TSPEAR: variants seen among roughly 807,000 people sequenced by gnomAD.
TSPEAR encodes thrombospondin-type laminin G domain and EAR repeat-containing protein.
In TSPEAR, 69 loss-of-function variants were observed where a neutral mutation model predicts 71.6. The observed-to-expected ratio is 0.96, with a 90% CI of 0.79 to 1.18. TSPEAR has a LOEUF of 1.18. Among genes scored for constraint, TSPEAR ranks in the 50% most tolerant of loss-of-function variants. TSPEAR has a pLI of 0.00. For synonymous variants in TSPEAR, 402 were observed against 387.2 expected, an observed-to-expected ratio of 1.04 and a Z score of -0.45; for missense variants, 971 against 894.9, an observed-to-expected ratio of 1.09 and a Z score of -1.09.
At chr21:44,708,803 G>C (rs1470573577) in intron 1 of TSPEAR, among the ~76,000 whole-genome samples, 3 of 152,238 alleles carry the variant, frequency 2.0e-5, no homozygotes, top group Non-Finnish European at 4.4e-5. Context: ...CTTGCTCCGG[G>C]CAGAGCTGCA....
intron 3 of TSPEAR, 119 bp from the exon 4 acceptor site, chr21:44,531,252 A>C (rs1464575570): frequency 1.1e-5 from 8 of 755,430 alleles, no homozygotes; most frequent in East Asian, 2.7e-5. Context: ...TGGCTGCCAC[A>C]CAAAGGATGG....
rs114636134 is a variant in TSPEAR at position 44,637,051 on chromosome 21, G to A, written c.83-69046C>T. ...GAGGCTGGGCCTCCCCCAGGCTGAG[G>A]GCCCACGCTGGGCACAGTCACGGGA... On this transcript the variant is annotated intron_variant, in intron 1 of 11. Transcript: ENST00000323084. Among the ~76,000 whole-genome samples, 554 of 152,206 alleles carry A rather than the reference G, an allele frequency of 3.6e-3. 4 individuals carry two copies. The highest frequency in any genetic ancestry group is 0.013 in the African/African-American group (536 of 41,516).
rs782571221 is a variant in TSPEAR at position 44,558,313 on chromosome 21, A to G, written c.303+9472T>C. 7 of 1,614,146 alleles carry G rather than the reference A, an allele frequency of 4.3e-6. No individual in the cohort carries two copies. The South Asian group carries it at 4.4e-5, about 10-fold the overall frequency. On this transcript the variant is annotated intron_variant, in intron 2 of 11. Transcript: ENST00000323084. The stretch of plus-strand genomic sequence containing the variant: ...TGGCGGCTAGACTGCTGGCAGCATG[A>G]AGAGGAAGCCCCAGAGCAGACGGGC...
intron 5 of TSPEAR, 140 bp from the exon 6 acceptor site, chr21:44,528,723 G>A: frequency 9.1e-7 from 1 of 1,095,154 alleles, no homozygotes; most frequent in East Asian, 2.6e-5. Flanking sequence ...AGGCACCTTG[G>A]CACAAGCCTG....
At chr21:44,556,082 G>A (rs1413442249) in intron 2 of TSPEAR, among the ~76,000 whole-genome samples, 1 of 152,216 alleles carries the variant, frequency 6.6e-6, no homozygotes, top group Non-Finnish European at 1.5e-5. Flanking sequence ...TTATTCTTAA[G>A]AATTAAGAAG....
intron 1 of TSPEAR, among the ~76,000 whole-genome samples, chr21:44,663,993 T>G (rs1401869394): frequency 6.6e-6 from 1 of 152,132 alleles, no homozygotes; most frequent in Non-Finnish European, 1.5e-5. Flanking sequence ...AACCTATAGC[T>G]AATATCATAC....
intron 1 of TSPEAR, among the ~76,000 whole-genome samples, chr21:44,569,812 GTTTAGGGGGTCCCAGGCTGAC>G (rs1259624716): frequency 6.6e-6 from 1 of 152,134 alleles, no homozygotes; most frequent in Non-Finnish European, 1.5e-5. Context: ...TGCTGTGTGT[GTTTAGGGGGTCCCAGGCTGAC>G]TCTGGGAGGA....
At chr21:44,615,193 A>G (rs1320661511) in intron 1 of TSPEAR, among the ~76,000 whole-genome samples, 1 of 152,264 alleles carries the variant, frequency 6.6e-6, no homozygotes, top group Admixed American at 6.5e-5. Context: ...ACCATGAAAA[A>G]TTAGAAACAA....
intron 1 of TSPEAR, chr21:44,658,122 C>T (rs1247090907): frequency 2.5e-6 from 4 of 1,613,592 alleles, no homozygotes; most frequent in African/African-American, 2.7e-5. Flanking sequence ...TGCGTGGCTC[C>T]CTCCTGCCAG....
At chr21:44,503,350 G>T (rs1231385620) in intron 11 of TSPEAR, among the ~76,000 whole-genome samples, 5 of 143,556 alleles carry the variant, frequency 3.5e-5, no homozygotes, top group Non-Finnish European at 3.1e-5. Context: ...GGGGAAGCAA[G>T]GCTCTGGGAG....
intron 1 of TSPEAR, among the ~76,000 whole-genome samples, chr21:44,655,619 A>G (rs1555942452): frequency 1.3e-5 from 2 of 152,226 alleles, no homozygotes; most frequent in East Asian, 1.9e-4. Context: ...TCACCCCTGC[A>G]GAGGCAGCTT....
chr21:44,506,546 C>CA lies in TSPEAR; in HGVS notation c.1755-1666dup, dbSNP rs1455817276. On this transcript the variant is annotated intron_variant, in intron 10 of 11. Coordinates refer to ENST00000323084, the MANE Select transcript of TSPEAR (RefSeq NM_144991.3). This position sits in a 1 kb window ranked among gnomAD's most constrained non-coding sequence, Gnocchi z 4.2. Reference sequence around the variant, plus strand: ...GGTGTCCAGTGACAGGCAGGGCGGGCAGAGCCCATGGGGCCTTGGGCTCCT... The same window carrying CA: ...GGTGTCCAGTGACAGGCAGGGCGGGCAAGAGCCCATGGGGCCTTGGGCTCCT... Among the ~76,000 whole-genome samples the CA allele has an allele frequency of 6.6e-6, 1 of 152,204 alleles. No individual in the cohort carries two copies. Among genetic ancestry groups the CA allele is most frequent in the African/African-American group, 2.4e-5 (1 of 41,456 alleles).
intron 11 of TSPEAR, among the ~76,000 whole-genome samples, chr21:44,502,667 CG>C (rs1419508115): frequency 6.6e-6 from 1 of 152,264 alleles, no homozygotes; most frequent in African/African-American, 2.4e-5. Context: ...TGGCTACACC[CG>C]GGGCAGGGCC....
At chr21:44,537,105 A>G (rs587765138) in intron 2 of TSPEAR, among the ~76,000 whole-genome samples, 1 of 152,356 alleles carries the variant, frequency 6.6e-6, no homozygotes, top group African/African-American at 2.4e-5. Flanking sequence ...TTCCTCCTAC[A>G]TATTTAAAAG....
At chr21:44,558,042 C>A (rs781833971) in intron 2 of TSPEAR, 2 of 1,596,214 alleles carry the variant, frequency 1.3e-6, no homozygotes, top group Non-Finnish European at 1.7e-6. Flanking sequence ...AGAAACGGGA[C>A]CTGCCCGTCA....
chr21:44,703,241 G>C (rs561426850), intron 1 of TSPEAR, among the ~76,000 whole-genome samples: 3 of 152,168 alleles, frequency 2.0e-5, no homozygotes, highest in Non-Finnish European at 4.4e-5. Flanking sequence ...CCCTAGAGAC[G>C]AGCCACGTCA....
intron 1 of TSPEAR, among the ~76,000 whole-genome samples, chr21:44,674,242 T>A (rs1986196431): frequency 6.8e-6 from 1 of 146,924 alleles, no homozygotes. Flanking sequence ...AGTATATAGC[T>A]AAACAAAATA....
At chr21:44,570,358 A>G (rs1274219837) in intron 1 of TSPEAR, among the ~76,000 whole-genome samples, 1 of 152,208 alleles carries the variant, frequency 6.6e-6, no homozygotes, top group Admixed American at 6.5e-5. Flanking sequence ...TGGACACCCA[A>G]GGGCAGATGA....
chr21:44,682,998 C>T (rs2146299598), intron 1 of TSPEAR, among the ~76,000 whole-genome samples: 2 of 152,278 alleles, frequency 1.3e-5, no homozygotes, highest in Admixed American at 1.3e-4. Context: ...CAGAGAGAAG[C>T]TGCTAGAGGA....
Sources: allele counts gnomAD v4.1 joint callset (sites outside exome capture counted in the v4.1 genomes callset), GRCh38; gene constraint gnomAD v4.1.1; non-coding constraint Gnocchi (gnomAD v3.1); transcripts MANE v1.5; gene names NCBI Gene and HGNC (gene_info 2026-07-23, HGNC 2026-07-21).